ZMYM5: variants seen among roughly 807,000 people sequenced by gnomAD.
ZMYM5 encodes zinc finger MYM-type containing 5.
Under a neutral mutation model 61.8 loss-of-function variants are expected in ZMYM5, and 41 were observed. The ratio of observed to expected loss-of-function variants is 0.66; its 90% CI spans 0.52 to 0.86. The LOEUF (loss-of-function observed/expected upper bound fraction) is 0.86. Ranked by LOEUF, ZMYM5 falls within the 40% of genes least tolerant of loss-of-function variation. The pLI, the probability that ZMYM5 is intolerant of heterozygous loss-of-function variation, is 0.00. For synonymous variants in ZMYM5, 257 were observed against 276.4 expected (o/e 0.93, Z 0.70); for missense variants, 706 against 786.7 (o/e 0.90, Z 1.23).
chr13:19,852,961 C>A (rs1196826098), intron 2 of ZMYM5, among the ~76,000 whole-genome samples: 2 of 152,172 alleles, frequency 1.3e-5, no homozygotes, highest in Non-Finnish European at 2.9e-5. Flanking sequence ...AATCCTCCCA[C>A]CTCAGCCTCC....
At chr13:19,844,115 G>T (rs2138568787) in intron 4 of ZMYM5, among the ~76,000 whole-genome samples, 1 of 149,518 alleles carries the variant, frequency 6.7e-6, no homozygotes, top group East Asian at 2.0e-4. Context: ...TCCAGCCTGG[G>T]TGACAGAGTG....
chr13:19,844,940 A>T (rs111631753), intron 4 of ZMYM5, among the ~76,000 whole-genome samples: 1 of 152,330 alleles, frequency 6.6e-6, no homozygotes, highest in Non-Finnish European at 1.5e-5. Context: ...TTATGCTGCA[A>T]GAAAAGTAAC....
intron 2 of ZMYM5, among the ~76,000 whole-genome samples, chr13:19,853,778 C>T (rs936239220): frequency 2.6e-5 from 4 of 151,934 alleles, no homozygotes; most frequent in African/African-American, 4.8e-5. Context: ...GACAGGGTTT[C>T]GCCATGTTGC....
intron 7 of ZMYM5, among the ~76,000 whole-genome samples, chr13:19,833,805 A>C (rs1952592710): frequency 6.6e-6 from 1 of 152,180 alleles, no homozygotes; most frequent in Non-Finnish European, 1.5e-5. Flanking sequence ...TAGGAAAACA[A>C]AACAAAACAT....
rs779632043 is a variant in ZMYM5 at position 19,824,478 on chromosome 13, T to A, written c.2009A>T (p.Ter670LeuextTer3). Residue 670 changes from the stop codon to leucine (L), a stop_lost, in exon 8 of 8, where the codon TAA becomes TTA. Coordinates refer to ENST00000337963, the MANE Select transcript of ZMYM5 (RefSeq NM_001142684.2). ...KNDGVLLLYT[*>L] is the part of the protein sequence containing the mutation. ...ATGCCAAAAAACAACTCAGGTATAT[T>A]ACGTGTACAACAACAGCACACCATC... is the stretch of plus-strand genomic sequence containing the variant. The A allele has an allele frequency of 1.9e-5, 24 of 1,292,080 alleles. No individual in the cohort carries two copies. Among genetic ancestry groups the A allele is most frequent in the Non-Finnish European group, 2.4e-5 (24 of 992,546 alleles). The allele number at this position is 1,292,080 out of a possible 1,614,324, so 80.0% of individuals were successfully genotyped here.
chr13:19,860,362 G>A (rs1357912196), intron 2 of ZMYM5, among the ~76,000 whole-genome samples: 4 of 149,074 alleles, frequency 2.7e-5, no homozygotes, highest in East Asian at 2.0e-4. Flanking sequence ...GCACAATCTC[G>A]GCTCACCATA....
chr13:19,851,771 C>T lies in ZMYM5; in HGVS notation c.410G>A (p.Cys137Tyr), dbSNP rs9579717. 150 of 1,606,140 alleles carry T rather than the reference C, an allele frequency of 9.3e-5. No homozygotes were observed. The East Asian group carries it at 2.4e-3, about 26-fold the overall frequency. Reference protein sequence around the residue: ...TNGGAEKKSSCFIEWGLPGTK... With the variant: ...TNGGAEKKSSYFIEWGLPGTK... ...TCCAGGAAGTCCCCATTCGATAAAA[C>T]AGGAAGACTTTTTCTCTGCTCCTCC... The change falls in exon 3 of 8, where the codon TGT becomes TAT. Residue 137 changes from cysteine to tyrosine, a missense_variant. Coordinates refer to ENST00000337963, the MANE Select transcript of ZMYM5 (RefSeq NM_001142684.2).
chr13:19,862,800 C>A (rs904468200), intron 1 of ZMYM5, among the ~76,000 whole-genome samples: 8 of 152,216 alleles, frequency 5.3e-5, no homozygotes, highest in African/African-American at 1.4e-4. Context: ...GCCCACCCAG[C>A]GTCATCTCTG....
intron 5 of ZMYM5, among the ~76,000 whole-genome samples, chr13:19,838,310 G>A (rs1952740892): frequency 6.6e-6 from 1 of 152,172 alleles, no homozygotes; most frequent in Non-Finnish European, 1.5e-5. Flanking sequence ...CCTGGGAGGT[G>A]GAAGTTGCAG....
intron 7 of ZMYM5, among the ~76,000 whole-genome samples, chr13:19,825,625 C>T (rs1890874387): frequency 7.0e-6 from 1 of 143,430 alleles, no homozygotes; most frequent in Non-Finnish European, 1.5e-5. Flanking sequence ...CCAGTCTGGG[C>T]GAAAGAGTGA....
intron 6 of ZMYM5, 199 bp downstream of exon 6, chr13:19,837,457 C>A: frequency 1.6e-5 from 25 of 1,567,804 alleles, no homozygotes; most frequent in Non-Finnish European, 2.1e-5. Flanking sequence ...CAGATGTGTA[C>A]TTTCCATGCT....
At chr13:19,838,017 G>A (rs1952729700) in intron 5 of ZMYM5, among the ~76,000 whole-genome samples, 196 bp from the exon 6 acceptor site, 1 of 152,134 alleles carries the variant, frequency 6.6e-6, no homozygotes, top group Admixed American at 6.6e-5. Flanking sequence ...AAGAGTCAGA[G>A]ATAAAAATCT....
chr13:19,860,888 G>C (rs1048280363), intron 2 of ZMYM5, among the ~76,000 whole-genome samples: 5 of 151,656 alleles, frequency 3.3e-5, no homozygotes, highest in South Asian at 2.1e-4. Flanking sequence ...CTCAGGTGGG[G>C]GGGGGGGAAT....
intron 2 of ZMYM5, among the ~76,000 whole-genome samples, chr13:19,861,106 C>CA (rs1953743518): frequency 6.6e-6 from 1 of 152,050 alleles, no homozygotes; most frequent in South Asian, 2.1e-4. Context: ...CTTGGCCTCT[C>CA]AGAGTGCTGG....
chr13:19,832,059 T>C (rs1295098846), intron 7 of ZMYM5, among the ~76,000 whole-genome samples: 1 of 151,840 alleles, frequency 6.6e-6, no homozygotes, highest in Admixed American at 6.6e-5. Flanking sequence ...AGTTTCACCA[T>C]GTTGGCCAGG....
intron 2 of ZMYM5, among the ~76,000 whole-genome samples, chr13:19,854,484 T>C (rs1953432286): frequency 6.6e-6 from 1 of 151,886 alleles, no homozygotes; most frequent in Non-Finnish European, 1.5e-5. Flanking sequence ...AATTAGTCAG[T>C]CGTGGTGGCA....
Position 19,825,193 on chromosome 13 carries a change from T to G in ZMYM5, c.1294A>C (p.Arg432=). Residue 432 remains arginine, a synonymous_variant, in exon 8 of 8, where the codon AGA becomes CGA. Transcript: ENST00000337963. ...KSKKLTASEN[R]KRNAFREENE... is the part of the protein sequence containing the mutation. ...TCTTCTCTAAAAGCATTCCTTTTTC[T>G]ATTTTCTGATGCTGTTAATTTTTTT... 7.8e-7 allele frequency: 1 copy of G among 1,281,928 alleles called. No homozygotes were observed. Among genetic ancestry groups the G allele is most frequent in the Non-Finnish European group, 1.0e-6 (1 of 983,026 alleles). 79.4% of individuals were successfully genotyped at this position (1,281,928 alleles called of 1,614,324 possible).
intron 4 of ZMYM5, among the ~76,000 whole-genome samples, chr13:19,841,008 TTTG>T (rs1400843469): frequency 6.6e-6 from 1 of 150,414 alleles, no homozygotes; most frequent in African/African-American, 2.4e-5. Context: ...TTTTTTTTTT[TTTG>T]AGACAGAGTC....
intron 4 of ZMYM5, among the ~76,000 whole-genome samples, chr13:19,840,633 C>T (rs1021122033): frequency 6.6e-6 from 1 of 151,636 alleles, no homozygotes; most frequent in African/African-American, 2.4e-5. Context: ...CTCGCTCTCC[C>T]AAAGTGCTAA....
Sources: allele counts gnomAD v4.1 joint callset (sites outside exome capture counted in the v4.1 genomes callset), GRCh38; gene constraint gnomAD v4.1.1; transcripts MANE v1.5; gene names NCBI Gene and HGNC (gene_info 2026-07-23, HGNC 2026-07-21).